GRIK1: variants seen among roughly 807,000 people sequenced by gnomAD.
GRIK1 encodes the protein glutamate ionotropic receptor kainate type subunit 1, also known as glutamate receptor ionotropic, kainate 1.
Under a neutral mutation model 105.7 loss-of-function variants are expected in GRIK1, and 69 were observed. The ratio of observed to expected loss-of-function variants is 0.65; its 90% CI spans 0.54 to 0.80. The LOEUF (loss-of-function observed/expected upper bound fraction) is 0.80. GRIK1 is among the 30% of genes least tolerant of loss of function. GRIK1 has a pLI of 0.00. For synonymous variants in GRIK1, 438 were observed against 431.3 expected (o/e 1.02, Z -0.19); for missense variants, 1,109 against 1,167.3 (o/e 0.95, Z 0.73).
intron 16 of GRIK1, among the ~76,000 whole-genome samples, chr21:29,540,388 G>A (rs531224018): frequency 1.2e-4 from 18 of 152,242 alleles, no homozygotes; most frequent in African/African-American, 3.9e-4. Flanking sequence ...TTCTCACTTT[G>A]TCTCTGACTG....
At chr21:29,809,654 C>T (rs771071572) in intron 1 of GRIK1, among the ~76,000 whole-genome samples, 4 of 152,200 alleles carry the variant, frequency 2.6e-5, no homozygotes, top group Non-Finnish European at 4.4e-5. Context: ...ACTTCCATCA[C>T]GAACTTTTCT....
intron 1 of GRIK1, among the ~76,000 whole-genome samples, chr21:29,843,046 T>C (rs2068023423): frequency 6.6e-6 from 1 of 152,248 alleles, no homozygotes; most frequent in African/African-American, 2.4e-5. Flanking sequence ...TTCTCAGTTC[T>C]GAACTCCCTA....
intron 7 of GRIK1, among the ~76,000 whole-genome samples, chr21:29,600,117 C>G (rs1440083005): frequency 1.3e-5 from 2 of 152,102 alleles, no homozygotes; most frequent in African/African-American, 4.8e-5. Context: ...ACTCCTTCTG[C>G]TTCTGTCTTA....
intron 1 of GRIK1, among the ~76,000 whole-genome samples, chr21:29,933,523 G>C (rs80149417): frequency 1.3e-5 from 2 of 152,142 alleles, no homozygotes; most frequent in Non-Finnish European, 2.9e-5. Context: ...ATACAAACGT[G>C]CCTCATGAAT....
At chr21:29,846,543 G>A (rs376267567) in intron 1 of GRIK1, among the ~76,000 whole-genome samples, 5 of 152,032 alleles carry the variant, frequency 3.3e-5, no homozygotes, top group Middle Eastern at 3.4e-3. Flanking sequence ...CATTTGTCCC[G>A]TCATTCTGTT....
chr21:29,766,009 G>A (rs1012177246), intron 1 of GRIK1, among the ~76,000 whole-genome samples: 8 of 151,844 alleles, frequency 5.3e-5, no homozygotes, highest in Admixed American at 2.0e-4. Flanking sequence ...CCGCCACCAC[G>A]CCCGGCTAAT....
At chr21:29,790,996 A>T (rs1256655224) in intron 1 of GRIK1, among the ~76,000 whole-genome samples, 1 of 152,182 alleles carries the variant, frequency 6.6e-6, no homozygotes, top group Non-Finnish European at 1.5e-5. Context: ...CCAACTTTAA[A>T]TTGGGTGGTC....
At chr21:29,702,913 C>T (rs1055040985) in intron 1 of GRIK1, among the ~76,000 whole-genome samples, 2 of 152,086 alleles carry the variant, frequency 1.3e-5, no homozygotes, top group South Asian at 2.1e-4. Flanking sequence ...AAACTTCTGT[C>T]GTTTTAAGCC....
chr21:29,853,096 A>C (rs1460010054), intron 1 of GRIK1, among the ~76,000 whole-genome samples: 2 of 152,234 alleles, frequency 1.3e-5, no homozygotes, highest in African/African-American at 4.8e-5. Flanking sequence ...GAACAATTTA[A>C]GTAAACCACT....
At position 29,589,011 on chromosome 21, in the gene GRIK1, T is replaced by A. The variant is rs774108690; in HGVS notation, c.1397A>T (p.Asp466Val). 1.1e-5 allele frequency: 18 copies of A among 1,599,906 alleles called. No homozygotes were observed. Among genetic ancestry groups the A allele is most frequent in the Non-Finnish European group, 1.5e-5 (18 of 1,167,166 alleles). ...EEPYVMYRKS[D>V]KPLYGNDRFE... ...TCTGTCATTTCCATATAGAGGCTTA[T>A]CAGATTTCCTGTACATAACATAGGG... The change falls in exon 11 of 18, where the codon GAT (aspartate) becomes GTT (valine). Residue 466 changes from aspartate to valine, a missense_variant. By Grantham distance (152) the Asp-to-Val change is radical. This residue lies in a region of GRIK1 where 612 missense variants were observed against 586.0 expected (regional missense o/e 1.04). Coordinates refer to ENST00000327783, the MANE Select transcript of GRIK1 (RefSeq NM_001330994.2).
At chr21:29,781,254 C>CT (rs1335779620) in intron 1 of GRIK1, among the ~76,000 whole-genome samples, 1 of 152,004 alleles carries the variant, frequency 6.6e-6, no homozygotes, top group Non-Finnish European at 1.5e-5. Context: ...ATGCTCCTTC[C>CT]TTTTTTCCTT....
chr21:29,785,561 CAAAAAAA>C (rs950219193), intron 1 of GRIK1, among the ~76,000 whole-genome samples: 6 of 58,030 alleles, frequency 1.0e-4, no homozygotes, highest in African/African-American at 3.3e-4. Context: ...GAGACTGTCT[CAAAAAAA>C]AAAAAAAAAA....
chr21:29,613,622 C>G lies in GRIK1; in HGVS notation c.1099-14685G>C, dbSNP rs150162442. Among the ~76,000 whole-genome samples, 23 of 152,230 alleles carry G rather than the reference C, an allele frequency of 1.5e-4. No individual in the cohort carries two copies. The East Asian group carries it at 4.4e-3, about 29-fold the overall frequency. On this transcript the variant is annotated intron_variant, in intron 7 of 17. Coordinates refer to ENST00000327783, the MANE Select transcript of GRIK1 (RefSeq NM_001330994.2). ...TCTATCTATCTATCCATCCACCACCCATATACAGGAAATTAATAGGTAAAT... is the reference window on the plus strand; with the variant it reads ...TCTATCTATCTATCCATCCACCACCGATATACAGGAAATTAATAGGTAAAT...
At chr21:29,869,434 A>G (rs1200941014) in intron 1 of GRIK1, among the ~76,000 whole-genome samples, 1 of 152,236 alleles carries the variant, frequency 6.6e-6, no homozygotes, top group Non-Finnish European at 1.5e-5. Context: ...GTGGTATGGA[A>G]GAAAAGAGTT....
chr21:29,839,878 A>T (rs1351361727), intron 1 of GRIK1, among the ~76,000 whole-genome samples: 2 of 152,142 alleles, frequency 1.3e-5, no homozygotes, highest in East Asian at 1.9e-4. Context: ...GTGATAGTTG[A>T]CCTCAGTAGT....
Position 29,675,169 on chromosome 21 carries a change from C to A in GRIK1, c.545-2005G>T, listed in dbSNP as rs117883880. Among the ~76,000 whole-genome samples the A allele has an allele frequency of 7.4e-3, 1,122 of 152,236 alleles. 5 individuals are homozygous for A. Among genetic ancestry groups the A allele is most frequent in the Non-Finnish European group, 0.012 (784 of 68,010 alleles). The stretch of plus-strand genomic sequence containing the variant: ...ACTTACAAAGATAGTTAAGAAGAAT[C>A]CTGGATTAAAATTGCTGTTTGTGAA... On this transcript the variant is annotated intron_variant, in intron 3 of 17. Transcript: ENST00000327783.
At chr21:29,571,399 A>G (rs776012655) in intron 14 of GRIK1, among the ~76,000 whole-genome samples, 36 of 152,188 alleles carry the variant, frequency 2.4e-4, no homozygotes, top group Admixed American at 5.9e-4. Flanking sequence ...CCTCAGCCTT[A>G]TATGAGCTCA....
At chr21:29,618,943 A>C (rs1218660698) in intron 7 of GRIK1, among the ~76,000 whole-genome samples, 4 of 139,588 alleles carry the variant, frequency 2.9e-5, no homozygotes, top group South Asian at 2.3e-4. Flanking sequence ...CTGGCTAACA[A>C]GGTGAAACCC....
chr21:29,693,944 C>G lies in GRIK1; in HGVS notation c.238G>C (p.Asp80His). 1 of 1,613,354 alleles carries G rather than the reference C, an allele frequency of 6.2e-7. No individual in the cohort carries two copies. Among genetic ancestry groups the G allele is most frequent in the Non-Finnish European group, 8.5e-7 (1 of 1,179,380 alleles). ...TLMPNTTLTY[D>H]IQRINLFDSF... ...TCAAAAAGGTTAATTCTCTGGATGTCATAGGTTAATGTGGTGTTAGGCATC... is the reference window on the plus strand; with the variant it reads ...TCAAAAAGGTTAATTCTCTGGATGTGATAGGTTAATGTGGTGTTAGGCATC... The change falls in exon 2 of 18, where the codon GAC (aspartate) becomes CAC (histidine). Residue 80 changes from aspartate to histidine, a missense_variant. Around this residue, in one of 5 missense-constraint regions of GRIK1, gnomAD observed 612 missense variants for 586.0 expected, o/e 1.04. Transcript: ENST00000327783.
Sources: gnomAD v4.1 joint callset for allele counts (sites outside exome capture counted in the v4.1 genomes callset) on GRCh38, gnomAD v4.1.1 for gene constraint, gnomAD v4.1.1 regional missense constraint, MANE v1.5 for transcripts, NCBI Gene and HGNC (gene_info 2026-07-23, HGNC 2026-07-21) for gene names.